The following C3orf52 variants were observed in gnomAD, a reference collection of about 807,000 sequenced individuals.
The protein encoded by C3orf52 is TPA-induced transmembrane protein.
In C3orf52, 22 loss-of-function variants were observed where a neutral mutation model predicts 24.8. The observed-to-expected ratio is 0.89, with a 90% CI of 0.63 to 1.27. The LOEUF (loss-of-function observed/expected upper bound fraction) is 1.27. Among genes scored for constraint, C3orf52 ranks in the 50% most tolerant of loss-of-function variants. The pLI is 0.00. For synonymous variants in C3orf52, 93 were observed against 100.2 expected (o/e 0.93, Z 0.43); for missense variants, 265 against 260.7 (o/e 1.02, Z -0.11).
At position 112,106,261 on chromosome 3, in the gene C3orf52, C is replaced by T. The variant is rs569761602; in HGVS notation, c.397-3282C>T. On this transcript the variant is annotated intron_variant, in intron 3 of 5. Coordinates refer to ENST00000264848, the MANE Select transcript of C3orf52 (RefSeq NM_024616.3). The stretch of plus-strand genomic sequence containing the variant: ...GGCCAAAAGCTTCAGATTTCTTCTT[C>T]TTCTTTTTTTTTTCTCCAGACAGTT... 8.6e-4 allele frequency among the ~76,000 whole-genome samples: 11 copies of T among 12,724 alleles called. No individual in the cohort carries two copies. In the South Asian group the frequency reaches 0.067, roughly 77 times the overall value. 8.3% of individuals were successfully genotyped at this position (12,724 alleles called of 152,430 possible).
chr3:112,102,878 A>T lies in C3orf52; in HGVS notation c.309A>T (p.Leu103Phe), dbSNP rs767735572. The T allele has an allele frequency of 5.7e-6, 9 of 1,591,072 alleles. No individual in the cohort carries two copies. The highest frequency in any genetic ancestry group is 1.7e-4 in the Middle Eastern group (1 of 6,036). ...AAGATGAAAATGAAATACTTGAATT[A>T]TCATCAAACAAAACATTCTTCATCA... ...VDEDENEILE[L>F]SSNKTFFIML... Residue 103 changes from leucine to phenylalanine, a missense_variant, in exon 3 of 6, where the codon TTA (leucine) becomes TTT (phenylalanine). Coordinates refer to ENST00000264848, the MANE Select transcript of C3orf52 (RefSeq NM_024616.3).
intron 4 of C3orf52, among the ~76,000 whole-genome samples, chr3:112,110,489 C>A (rs1032543383): frequency 6.6e-5 from 10 of 152,138 alleles, no homozygotes; most frequent in African/African-American, 2.4e-4. Flanking sequence ...GTAATTACTT[C>A]TGTTCATGTA....
chr3:112,122,292 T>C (rs1423739919), downstream of C3orf52: 2 of 152,188 alleles, frequency 1.3e-5, no homozygotes, highest in Non-Finnish European at 2.9e-5. Flanking sequence ...CATGTCACAA[T>C]TACTCAACTC....
chr3:112,104,625 AATTT>A (rs2074007506), intron 3 of C3orf52, among the ~76,000 whole-genome samples: 2 of 151,284 alleles, frequency 1.3e-5, no homozygotes, highest in African/African-American at 2.4e-5. Context: ...AGATTGTTTA[AATTT>A]ATTTATTTAT....
chr3:112,133,287 T>TG, downstream of C3orf52: 1 of 709,544 alleles, frequency 1.4e-6, no homozygotes, highest in Non-Finnish European at 2.4e-6. Context: ...AGGAAGAGGC[T>TG]GGGGGAGGAG....
chr3:112,117,176 C>A lies in C3orf52; in HGVS notation c.*530C>A. The A allele has an allele frequency of 1.8e-6, 1 of 556,676 alleles. No homozygotes were observed. The highest frequency in any genetic ancestry group is 3.2e-6 in the Non-Finnish European group (1 of 314,574). 34.5% of individuals were successfully genotyped at this position (556,676 alleles called of 1,614,324 possible). A position where few individuals can be genotyped will look rare whatever the true frequency, so the allele number is the denominator to read the frequency against. ...TTACGAAGACTAAGCCAATTATTCA[C>A]TGAAGTCATCCTCCTCCCCCCCACC... On this transcript the variant is annotated 3_prime_UTR_variant, in exon 6 of 6. Coordinates refer to ENST00000264848, the MANE Select transcript of C3orf52 (RefSeq NM_024616.3).
At chr3:112,093,841 CT>C (rs2073901804) in intron 2 of C3orf52, among the ~76,000 whole-genome samples, 2 of 151,934 alleles carry the variant, frequency 1.3e-5, no homozygotes, top group Non-Finnish European at 2.9e-5. Context: ...AATTCTTTTT[CT>C]TTTCATTTGT....
At chr3:112,095,033 G>A (rs530161708) in intron 2 of C3orf52, among the ~76,000 whole-genome samples, 2 of 152,218 alleles carry the variant, frequency 1.3e-5, no homozygotes, top group Admixed American at 6.5e-5. Context: ...TTAATTTCCT[G>A]TCTTAGAGTT....
In C3orf52 at chr3:112,117,132, G is replaced by T; in HGVS notation, c.*486G>T. The T allele has an allele frequency of 1.8e-6, 1 of 568,630 alleles. No homozygotes were observed. 35.2% of individuals were successfully genotyped at this position (568,630 alleles called of 1,614,324 possible). On this transcript the variant is annotated 3_prime_UTR_variant, in exon 6 of 6. Transcript: ENST00000264848. ...GCGTAAGCATGAGCTGGTAGAGCAC[G>T]GAGAGGCAGGCAGCCAGGTTACGAA...
downstream of C3orf52, chr3:112,118,246 G>A (rs1252666921): frequency 1.3e-5 from 2 of 152,156 alleles, no homozygotes; most frequent in Admixed American, 1.3e-4. Context: ...TTTGGGCTGG[G>A]TTTTTGTTTG....
chr3:112,087,045 C>T (rs1242119791), intron 1 of C3orf52, among the ~76,000 whole-genome samples: 1 of 151,930 alleles, frequency 6.6e-6, no homozygotes, highest in African/African-American at 2.4e-5. Flanking sequence ...ATCCGCCAAG[C>T]ACTTTCTGCC....
chr3:112,132,999 G>T, downstream of C3orf52: 1 of 1,280,568 alleles, frequency 7.8e-7, no homozygotes, highest in Non-Finnish European at 1.1e-6. Flanking sequence ...CCCCAACTTA[G>T]TGTGCTAACT....
downstream of C3orf52, among the ~76,000 whole-genome samples, chr3:112,120,682 CTT>C (rs2074179444): frequency 6.6e-6 from 1 of 152,138 alleles, no homozygotes; most frequent in African/African-American, 2.4e-5. Context: ...GACAGGGACT[CTT>C]TCACTGAGGG....
At chr3:112,099,147 GT>G (rs2073950232) in intron 2 of C3orf52, among the ~76,000 whole-genome samples, 1 of 152,062 alleles carries the variant, frequency 6.6e-6, no homozygotes, top group Non-Finnish European at 1.5e-5. Flanking sequence ...TGCTATAATT[GT>G]AAGTTTCCTG....
At chr3:112,122,859 A>G (rs1384499216), downstream of C3orf52, 1 of 152,334 alleles carries the variant, frequency 6.6e-6, no homozygotes, top group Non-Finnish European at 1.5e-5. Flanking sequence ...AAAATCATAT[A>G]GGTTAAAATT....
chr3:112,119,180 C>T (rs553737085), downstream of C3orf52, among the ~76,000 whole-genome samples: 7 of 152,162 alleles, frequency 4.6e-5, no homozygotes, highest in East Asian at 9.7e-4. Context: ...GTTAGGAGCT[C>T]GAGACCAGCC....
rs370777296 is a variant in C3orf52 at position 112,109,594 on chromosome 3, G to T, written c.448G>T (p.Val150Phe). 27 of 1,598,770 alleles carry T rather than the reference G, an allele frequency of 1.7e-5. No individual in the cohort carries two copies. The highest frequency in any genetic ancestry group is 2.3e-5 in the Non-Finnish European group (27 of 1,166,926). Residue 150 changes from valine (V) to phenylalanine (F), a missense_variant, in exon 4 of 6, where the codon GTT becomes TTT. Coordinates refer to ENST00000264848, the MANE Select transcript of C3orf52 (RefSeq NM_024616.3). ...SPSLGRYFTS[V>F]EIVDFSGENA... Reference sequence around the variant, plus strand: ...CTCTCTGGGTCGTTATTTTACTTCAGTTGAAATAGTGGACTTCAGGTAAGA... The same window carrying T: ...CTCTCTGGGTCGTTATTTTACTTCATTTGAAATAGTGGACTTCAGGTAAGA...
chr3:112,124,414 G>T (rs1461023400), intron 4 of C3orf52, among the ~76,000 whole-genome samples: 4 of 152,130 alleles, frequency 2.6e-5, no homozygotes, highest in Non-Finnish European at 5.9e-5. Flanking sequence ...TTCGAGACCA[G>T]CCTGGCCAAC....
chr3:112,106,465 G>A (rs765693457), intron 3 of C3orf52, among the ~76,000 whole-genome samples: 3 of 152,134 alleles, frequency 2.0e-5, no homozygotes, highest in South Asian at 4.1e-4. Flanking sequence ...CCAGCAGCCC[G>A]CCAAGAGTTG....
Sources: allele counts gnomAD v4.1 joint callset (sites outside exome capture counted in the v4.1 genomes callset), GRCh38; gene constraint gnomAD v4.1.1; transcripts MANE v1.5; gene names NCBI Gene and HGNC (gene_info 2026-07-23, HGNC 2026-07-21).